QTMAN: variants seen among roughly 807,000 people sequenced by gnomAD.
The protein encoded by QTMAN is tRNA-queuosine alpha-mannosyltransferase.
chr2:144,105,675 ACT>A, the QTMAN span, among the ~76,000 whole-genome samples: 6 of 152,226 alleles, frequency 3.9e-5, no homozygotes, highest in African/African-American at 7.2e-5. Flanking sequence ...GTTGGAAAAC[ACT>A]CTGCAGGATA....
At chr2:144,055,316 C>T in the QTMAN span, among the ~76,000 whole-genome samples, 1 of 149,670 alleles carries the variant, frequency 6.7e-6, no homozygotes, top group African/African-American at 2.5e-5. Context: ...ATGGAACACA[C>T]ACACACACAG....
the QTMAN span, among the ~76,000 whole-genome samples, chr2:144,179,729 A>G: frequency 6.6e-6 from 1 of 152,196 alleles, no homozygotes; most frequent in African/African-American, 2.4e-5. Flanking sequence ...TAGTTAGGTC[A>G]CAGCTACTTA....
chr2:144,006,143 T>G, the QTMAN span: 1 of 152,152 alleles, frequency 6.6e-6, no homozygotes, highest in Non-Finnish European at 1.5e-5. Context: ...AGAAAGGCTA[T>G]GCTGGAAGTA....
the QTMAN span, among the ~76,000 whole-genome samples, chr2:143,992,198 C>A: frequency 1.3e-5 from 2 of 150,732 alleles, no homozygotes; most frequent in African/African-American, 4.9e-5. Flanking sequence ...AAGAAAAATT[C>A]TTCTGCCTGG....
At chr2:144,196,885 G>T in the QTMAN span, among the ~76,000 whole-genome samples, 3 of 152,256 alleles carry the variant, frequency 2.0e-5, no homozygotes, top group African/African-American at 7.2e-5. Context: ...TGGCAGGGGG[G>T]ATAGTGATAA....
the QTMAN span, among the ~76,000 whole-genome samples, chr2:144,070,221 C>T: frequency 6.6e-6 from 1 of 152,064 alleles, no homozygotes; most frequent in Non-Finnish European, 1.5e-5. Context: ...TCCACTGTTA[C>T]CATCATTACT....
At chr2:144,202,446 G>A in the QTMAN span, among the ~76,000 whole-genome samples, 63 of 152,104 alleles carry the variant, frequency 4.1e-4, no homozygotes, top group Non-Finnish European at 4.3e-4. Flanking sequence ...AACTAACCAT[G>A]AAGACACTAA....
At chr2:144,009,472 G>A in the QTMAN span, among the ~76,000 whole-genome samples, 1 of 152,066 alleles carries the variant, frequency 6.6e-6, no homozygotes. Flanking sequence ...AGGACCCTAT[G>A]TACATTCCAG....
chr2:144,188,530 G>A, the QTMAN span, among the ~76,000 whole-genome samples: 1 of 151,864 alleles, frequency 6.6e-6, no homozygotes, highest in African/African-American at 2.4e-5. Flanking sequence ...TGGATGGATG[G>A]ATGGATGGAT....
chr2:144,158,037 G>C, the QTMAN span, among the ~76,000 whole-genome samples: 2 of 151,924 alleles, frequency 1.3e-5, no homozygotes, highest in Admixed American at 1.3e-4. Flanking sequence ...TCCTTTTTAA[G>C]ATGATGCCAA....
At chr2:144,154,821 T>C in the QTMAN span, among the ~76,000 whole-genome samples, 90 of 152,356 alleles carry the variant, frequency 5.9e-4, no homozygotes, top group African/African-American at 2.1e-3. Context: ...TTGGCAGCTA[T>C]CACTCTGGAT....
chr2:144,049,837 T>C, the QTMAN span, among the ~76,000 whole-genome samples: 1 of 152,176 alleles, frequency 6.6e-6, no homozygotes, highest in Admixed American at 6.5e-5. Flanking sequence ...CTGAGCTAAA[T>C]ACTATATTAG....
chr2:144,307,399 T>G, the QTMAN span, among the ~76,000 whole-genome samples: 21 of 152,234 alleles, frequency 1.4e-4, no homozygotes, highest in East Asian at 4.1e-3. Context: ...TCCCTGGGAT[T>G]AGAAACAAGG....
chr2:144,278,252 C>G, the QTMAN span, among the ~76,000 whole-genome samples: 7 of 152,124 alleles, frequency 4.6e-5, no homozygotes, highest in African/African-American at 1.4e-4. Context: ...ACCTAGTAAA[C>G]GATTACACCT....
the QTMAN span, among the ~76,000 whole-genome samples, chr2:144,205,219 A>ACATTT: frequency 6.6e-6 from 1 of 152,224 alleles, no homozygotes; most frequent in East Asian, 1.9e-4. Flanking sequence ...TCACATATCC[A>ACATTT]CCACTAATCC....
the QTMAN span, among the ~76,000 whole-genome samples, chr2:144,304,250 AG>A: frequency 6.6e-6 from 1 of 152,202 alleles, no homozygotes; most frequent in Non-Finnish European, 1.5e-5. Flanking sequence ...ACCTCTGTAT[AG>A]TTTACCTCCT....
At chr2:144,022,115 C>T in the QTMAN span, among the ~76,000 whole-genome samples, 3 of 152,072 alleles carry the variant, frequency 2.0e-5, no homozygotes, top group Non-Finnish European at 4.4e-5. Flanking sequence ...AAACTAAATA[C>T]ATGAATTATC....
At chr2:144,301,445 A>T in the QTMAN span, among the ~76,000 whole-genome samples, 5 of 151,480 alleles carry the variant, frequency 3.3e-5, no homozygotes, top group African/African-American at 1.2e-4. Context: ...CTGGTCTCAA[A>T]CTCCTGACCT....
the QTMAN span, among the ~76,000 whole-genome samples, chr2:144,199,296 G>A: frequency 2.0e-5 from 3 of 152,232 alleles, no homozygotes; most frequent in Admixed American, 6.5e-5. Context: ...TGATCCGCCC[G>A]CCTCGGATTC....
Sources: allele counts gnomAD v4.1 joint callset (sites outside exome capture counted in the v4.1 genomes callset), GRCh38; gene constraint gnomAD v4.1.1; transcripts MANE v1.5; gene names NCBI Gene and HGNC (gene_info 2026-07-23, HGNC 2026-07-21).